Variants in MGAT5 observed in about 807,000 individuals in gnomAD.
The protein encoded by MGAT5 is alpha-1,6-mannosylglycoprotein 6-beta-N-acetylglucosaminyltransferase A.
Under a neutral mutation model 94.3 loss-of-function variants are expected in MGAT5, and 30 were observed. The observed-to-expected ratio is 0.32, with a 90% confidence interval of 0.24 to 0.43. The LOEUF (loss-of-function observed/expected upper bound fraction) is 0.43. Ranked by LOEUF, MGAT5 falls within the 20% of genes least tolerant of loss-of-function variation. MGAT5 has a pLI of 1.00. For missense variants in MGAT5, 691 were observed against 905.5 expected (o/e 0.76, Z 3.04); for synonymous variants, 310 against 322.9 (o/e 0.96, Z 0.43).
chr2:134,123,669 C>T (rs1396725444), intron 1 of MGAT5, among the ~76,000 whole-genome samples: 1 of 151,938 alleles, frequency 6.6e-6, no homozygotes, highest in East Asian at 1.9e-4. Context: ...CTGGGGGTTT[C>T]GTATGGTGAG....
At chr2:134,327,011 GTT>G (rs1687683954) in intron 4 of MGAT5, among the ~76,000 whole-genome samples, 1 of 152,086 alleles carries the variant, frequency 6.6e-6, no homozygotes, top group Admixed American at 6.6e-5. Flanking sequence ...TGTCTGTTTT[GTT>G]CTCACGTACA....
At chr2:134,411,578 T>C (rs1390174449) in intron 11 of MGAT5, among the ~76,000 whole-genome samples, 1 of 152,364 alleles carries the variant, frequency 6.6e-6, no homozygotes, top group South Asian at 2.1e-4. Context: ...CAGAATTCCT[T>C]CAGGAGCTAC....
intron 10 of MGAT5, among the ~76,000 whole-genome samples, chr2:134,363,629 C>T (rs1319463923): frequency 6.6e-6 from 1 of 152,208 alleles, no homozygotes; most frequent in African/African-American, 2.4e-5. Flanking sequence ...GCCAGGGATG[C>T]TGTACATGTC....
intron 1 of MGAT5, among the ~76,000 whole-genome samples, chr2:134,189,607 T>TTTTTTTTTGTTTTTG (rs1553490421): frequency 8.7e-5 from 7 of 80,618 alleles, no homozygotes; most frequent in Non-Finnish European, 1.2e-4. Flanking sequence ...TTTTTGTTTT[T>TTTTTTTTTGTTTTTG]TTTTTTTTTT....
chr2:134,301,168 A>G (rs1159485948), intron 2 of MGAT5, among the ~76,000 whole-genome samples: 1 of 152,132 alleles, frequency 6.6e-6, no homozygotes. Flanking sequence ...TAGCGTTTTC[A>G]AGATTGATCC....
intron 2 of MGAT5, among the ~76,000 whole-genome samples, chr2:134,279,372 G>C (rs1397445885): frequency 6.6e-6 from 1 of 151,952 alleles, no homozygotes; most frequent in African/African-American, 2.4e-5. Flanking sequence ...TGTGTTTCTT[G>C]GTGGCTAATT....
At position 134,268,658 on chromosome 2, in the gene MGAT5, G is replaced by C. The variant is rs1262029089; in HGVS notation, c.242-1728G>C. ...GGATGAGAACATTTTCCAGTGAAAG[G>C]TTTTATTTTACTTATATATTTAACA... On this transcript the variant is annotated intron_variant, in intron 1 of 15. Coordinates refer to ENST00000281923, the MANE Select transcript of MGAT5 (RefSeq NM_002410.5). This position sits in a 1 kb window ranked among gnomAD's most constrained non-coding sequence, Gnocchi z 4.1. Among the ~76,000 whole-genome samples, 1 of 152,184 alleles carries C rather than the reference G, an allele frequency of 6.6e-6. No homozygotes were observed. Among genetic ancestry groups the C allele is most frequent in the African/African-American group, 2.4e-5 (1 of 41,440 alleles).
rs886372187 is a variant in MGAT5, at chr2:134,156,551, A to C, written c.-143+36260A>C. Among the ~76,000 whole-genome samples the C allele has an allele frequency of 3.9e-5, 6 of 152,186 alleles. 1 individual carries two copies. The highest frequency in any genetic ancestry group is 3.9e-4 in the Admixed American group (6 of 15,278). On this transcript the variant is annotated intron_variant, in intron 1 of 16. Coordinates refer to the MGAT5 transcript ENST00000409645. ...TATAGAGGCCCAAAGCAAGGATCCCAGTGGTTTGGTTGTAGCTAAATTTAG... is the reference window on the plus strand; with the variant it reads ...TATAGAGGCCCAAAGCAAGGATCCCCGTGGTTTGGTTGTAGCTAAATTTAG...
rs760534333 is a variant in MGAT5 at position 134,257,835 on chromosome 2, T to TC, written c.241+3192dup. ...ATGCATAGGCCATTAGTTTGCAGTC[T>TC]CTTTTTTTTTTTTTTTTTTTGCCAT... On this transcript the variant is annotated intron_variant, in intron 1 of 15. Coordinates refer to ENST00000281923, the MANE Select transcript of MGAT5 (RefSeq NM_002410.5). 1.4e-4 allele frequency among the ~76,000 whole-genome samples: 15 copies of TC among 111,048 alleles called. 2 individuals are homozygous for TC. In the East Asian group the frequency reaches 1.7e-3, roughly 13 times the overall value. 72.9% of individuals were successfully genotyped at this position (111,048 alleles called of 152,430 possible). A position where few individuals can be genotyped will look rare whatever the true frequency, so the allele number is the denominator to read the frequency against.
At chr2:134,345,622 A>G (rs113306401) in intron 8 of MGAT5, among the ~76,000 whole-genome samples, 2,491 of 152,294 alleles carry the variant, frequency 0.016, 66 homozygotes, top group African/African-American at 0.056. Flanking sequence ...TGGGACCACG[A>G]TTTAATATTT....
At chr2:134,156,179 C>T (rs1021456661) in intron 1 of MGAT5, among the ~76,000 whole-genome samples, 10 of 152,276 alleles carry the variant, frequency 6.6e-5, no homozygotes, top group African/African-American at 2.4e-4. Context: ...CACAGGCCGC[C>T]GGTCTGTGCA....
chr2:134,418,919 C>T (rs1238065877), intron 12 of MGAT5, among the ~76,000 whole-genome samples: 1 of 152,294 alleles, frequency 6.6e-6, no homozygotes, highest in Middle Eastern at 3.4e-3. Flanking sequence ...GGTGGGTTAC[C>T]CTGTCCTGCT....
At chr2:134,263,266 T>C (rs1683457353) in intron 1 of MGAT5, among the ~76,000 whole-genome samples, 1 of 152,236 alleles carries the variant, frequency 6.6e-6, no homozygotes, top group African/African-American at 2.4e-5. Flanking sequence ...ATTCAAAGAA[T>C]AGCTTAAGAA....
At chr2:134,155,853 A>T (rs1038679798) in intron 1 of MGAT5, among the ~76,000 whole-genome samples, 2 of 147,958 alleles carry the variant, frequency 1.4e-5, no homozygotes, top group African/African-American at 5.0e-5. Context: ...TTTCTGGCCA[A>T]CTCCTGCCTC....
intron 5 of MGAT5, among the ~76,000 whole-genome samples, chr2:134,336,684 A>G (rs2105981816): frequency 6.6e-6 from 1 of 152,270 alleles, no homozygotes; most frequent in African/African-American, 2.4e-5. Flanking sequence ...TGAAGATGAC[A>G]TTGGGGCCGA....
At chr2:134,159,723 C>T (rs1687644785) in intron 1 of MGAT5, among the ~76,000 whole-genome samples, 1 of 152,146 alleles carries the variant, frequency 6.6e-6, no homozygotes, top group African/African-American at 2.4e-5. Context: ...AGCCTATAGT[C>T]CCAGCTGCTG....
In MGAT5 at chr2:134,233,035, G is replaced by A. The variant is rs183216012; in HGVS notation, c.-142-21227G>A. On this transcript the variant is annotated intron_variant, in intron 1 of 16. Coordinates refer to the MGAT5 transcript ENST00000409645. ...CAACAGGTTTTATGCTAGAAGAATA[G>A]TATAGACATTGATTCTTCTTGAATC... Among the ~76,000 whole-genome samples the A allele has an allele frequency of 8.7e-4, 133 of 152,332 alleles. 1 individual carries two copies. Among genetic ancestry groups the A allele is most frequent in the South Asian group, 1.9e-3 (9 of 4,828 alleles).
chr2:134,326,274 G>A (rs1687644045), intron 4 of MGAT5, among the ~76,000 whole-genome samples: 2 of 151,682 alleles, frequency 1.3e-5, no homozygotes, highest in Admixed American at 6.6e-5. Context: ...CTTGCTTTTT[G>A]TTTTTTATTA....
chr2:134,237,123 A>ATGTGTATGTGTGTGTGTG (rs367744090), intron 1 of MGAT5, among the ~76,000 whole-genome samples: 184 of 140,706 alleles, frequency 1.3e-3, no homozygotes, highest in African/African-American at 2.6e-3. Context: ...GAAGGAGTAT[A>ATGTGTATGTGTGTGTGTG]TGTGTGTGTG....
Sources: allele counts gnomAD v4.1 joint callset (sites outside exome capture counted in the v4.1 genomes callset), GRCh38; gene constraint gnomAD v4.1.1; non-coding constraint Gnocchi (gnomAD v3.1); transcripts MANE v1.5; gene names NCBI Gene and HGNC (gene_info 2026-07-23, HGNC 2026-07-21).